HGS: variants seen among roughly 807,000 people sequenced by gnomAD.
The protein encoded by HGS is hepatocyte growth factor-regulated tyrosine kinase substrate, also known as human growth factor-regulated tyrosine kinase substrate.
In HGS, 63 loss-of-function variants were observed where a neutral mutation model predicts 109.7. The observed-to-expected ratio is 0.57, with a 90% confidence interval of 0.47 to 0.71. The LOEUF is 0.71. HGS is among the 30% of genes least tolerant of loss of function. The probability of loss-of-function intolerance (pLI) is 0.00; values close to 1 mark genes in which losing one functional copy is unlikely to be tolerated. For missense variants in HGS, 995 were observed against 1,068.3 expected (o/e 0.93, Z 0.96); for synonymous variants, 546 against 437.3 (o/e 1.25, Z -3.10).
Position 81,693,762 on chromosome 17 carries a change from G to A in HGS, c.840+10G>A, listed in dbSNP as rs1348669335. ...GGAGAAGGAGAGGCTGGTAAGCCGG[G>A]TGGGGCGGGGCGGCCTCAGGAGGGG... On this transcript the variant is annotated intron_variant, in intron 10 of 21. Coordinates refer to ENST00000329138, the MANE Select transcript of HGS (RefSeq NM_004712.5). The A allele has an allele frequency of 1.3e-6, 2 of 1,542,082 alleles. No individual in the cohort carries two copies. Among genetic ancestry groups the A allele is most frequent in the African/African-American group, 2.7e-5 (2 of 73,202 alleles).
Position 81,700,745 on chromosome 17 carries a change from G to A in HGS, c.2067G>A (p.Pro689=), listed in dbSNP as rs372082555. The change falls in exon 20 of 22, where the codon CCG becomes CCA. Residue 689 remains proline (P), a synonymous_variant. Transcript: ENST00000329138. ...GCCTCCCGGCCATCTCTCAGCCTCCGCAGTCCAGCACCATGGGCTACATGG... is the reference window on the plus strand; with the variant it reads ...GCCTCCCGGCCATCTCTCAGCCTCCACAGTCCAGCACCATGGGCTACATGG... ...PQSLPAISQP[P]QSSTMGYMGS... 7.5e-6 allele frequency: 12 copies of A among 1,605,742 alleles called. No homozygotes were observed. The highest frequency in any genetic ancestry group is 3.4e-4 in the Middle Eastern group (2 of 5,854).
intron 1 of HGS, chr17:81,684,884 C>T (rs2036949062): frequency 7.1e-6 from 7 of 983,460 alleles, no homozygotes; most frequent in Non-Finnish European, 8.5e-6. Flanking sequence ...AGTATCTCAG[C>T]CACACAGGTA....
chr17:81,685,219 G>T (rs779680449), intron 1 of HGS: 20 of 266,988 alleles, frequency 7.5e-5, no homozygotes, highest in Non-Finnish European at 1.0e-4. Context: ...CTGGGCGAAC[G>T]GGGACTCCAA....
At position 81,700,506 on chromosome 17, in the gene HGS, C is replaced by T. The variant is rs777559466; in HGVS notation, c.1922C>T (p.Ala641Val). ...AGTGCCTACATGTACCCAGCAGGGG[C>T]CACTGGGGCGCAGGCGGCCCCCCAG... ...MVSAYMYPAG[A>V]TGAQAAPQAQ... Residue 641 changes from alanine to valine, a missense_variant, in exon 19 of 22, where the codon GCC becomes GTC. Physicochemically the swap from Ala to Val is moderately conservative, Grantham distance 64. Around this residue, in one of 6 missense-constraint regions of HGS, gnomAD observed 326 missense variants for 309.7 expected, o/e 1.05. Coordinates refer to ENST00000329138, the MANE Select transcript of HGS (RefSeq NM_004712.5). The T allele has an allele frequency of 1.2e-6, 2 of 1,606,200 alleles. No individual in the cohort carries two copies. The highest frequency in any genetic ancestry group is 1.7e-6 in the Non-Finnish European group (2 of 1,176,000).
intron 1 of HGS, chr17:81,685,194 T>C (rs1037004017): frequency 2.3e-6 from 1 of 434,386 alleles, no homozygotes; most frequent in African/African-American, 2.1e-5. Flanking sequence ...AAGGTCCCAT[T>C]GAAACCGGGA....
chr17:81,687,222 TCCCTG>T, intron 4 of HGS, 127 bp downstream of exon 4: 1 of 681,382 alleles, frequency 1.5e-6, no homozygotes, highest in Middle Eastern at 3.7e-4. Flanking sequence ...AGATCGGTGG[TCCCTG>T]CACTGCGCAA....
At chr17:81,685,245 G>A (rs2036957950) in intron 1 of HGS, among the ~76,000 whole-genome samples, 1 of 152,170 alleles carries the variant, frequency 6.6e-6, no homozygotes, top group South Asian at 2.1e-4. Flanking sequence ...GGGTGATAGG[G>A]TTCTTTGTTG....
chr17:81,698,854 A>G (rs951554158), intron 18 of HGS, among the ~76,000 whole-genome samples: 13 of 152,204 alleles, frequency 8.5e-5, no homozygotes, highest in African/African-American at 3.1e-4. Flanking sequence ...GGCTCACCTG[A>G]GGTCAGGAGT....
In HGS at chr17:81,696,000, G is replaced by C; in HGVS notation, c.1393+1G>C. On this transcript the variant is annotated splice_donor_variant, in intron 15 of 21. Transcript: ENST00000329138. LOFTEE classifies it high-confidence loss of function. ...CTCAACCAGCTGGACGAGCGCAGGC[G>C]TAGGTGCCCGCGCCACGGGGCCTCG... 1.3e-6 allele frequency: 2 copies of C among 1,546,388 alleles called. No homozygotes were observed. The highest frequency in any genetic ancestry group is 8.7e-7 in the Non-Finnish European group (1 of 1,144,310).
chr17:81,700,448 CCT>C lies in HGS; in HGVS notation c.1883-18_1883-17del, dbSNP rs769358237. ...CTGTTGCCCTGGCTGAACCATCTCC[CCT>C]GTCTTGTTTGTCACAGATCCCAGCA... On this transcript the variant is annotated splice_polypyrimidine_tract_variant and intron_variant, in intron 18 of 21. Transcript: ENST00000329138. The C allele has an allele frequency of 2.4e-5, 37 of 1,542,228 alleles. No individual in the cohort carries two copies. Among genetic ancestry groups the C allele is most frequent in the East Asian group, 9.1e-5 (4 of 43,922 alleles).
rs767927511 is a variant in HGS at position 81,701,594 on chromosome 17, G to A, written c.2310G>A (p.Glu770=). The part of the protein sequence containing the change: ...QAQGPPAQGS[E]AQLISFD ...AGGGGCCGCCGGCACAGGGCAGCGA[G>A]GCCCAGCTCATTTCATTCGACTGAC... Residue 770 remains glutamate (E), a synonymous_variant, in exon 22 of 22, where the codon GAG becomes GAA. Transcript: ENST00000329138. 6.4e-7 allele frequency: 1 copy of A among 1,568,368 alleles called. No homozygotes were observed. The highest frequency in any genetic ancestry group is 1.2e-5 in the South Asian group (1 of 86,612).
Position 81,693,564 on chromosome 17 carries a change from C to G in HGS, c.724C>G (p.Leu242Val), listed in dbSNP as rs561162568. ...ELPPEYLTSP[L>V]SQQSQLPPKR... ...GCCCCCCGAGTACCTGACCAGCCCC[C>G]TGTCTCAGCAGTCCCAGGTACTCAG... The change falls in exon 9 of 22, where the codon CTG becomes GTG. Residue 242 changes from leucine to valine, a missense_variant. Physicochemically the swap from Leu to Val is conservative, Grantham distance 32. Transcript: ENST00000329138. 4.2e-5 allele frequency: 68 copies of G among 1,611,854 alleles called. No individual in the cohort carries two copies. Among genetic ancestry groups the G allele is most frequent in the Admixed American group, 3.3e-4 (20 of 59,918 alleles).
intron 6 of HGS, chr17:81,690,463 C>A (rs566560384): frequency 4.7e-6 from 3 of 636,462 alleles, no homozygotes; most frequent in Non-Finnish European, 8.1e-6. Flanking sequence ...GAAAGGAAAA[C>A]AAGCACCTTT....
At chr17:81,693,305 C>T (rs966652424) in intron 8 of HGS, among the ~76,000 whole-genome samples, 198 bp from the exon 9 acceptor site, 1 of 152,252 alleles carries the variant, frequency 6.6e-6, no homozygotes, top group Non-Finnish European at 1.5e-5. Flanking sequence ...CACCCGAGCC[C>T]TTGTGGCTGG....
Position 81,696,402 on chromosome 17 carries a change from C to G in HGS, c.1439C>G (p.Ala480Gly), listed in dbSNP as rs768740702. 6.3e-6 allele frequency: 10 copies of G among 1,585,676 alleles called. No individual in the cohort carries two copies. The South Asian group carries it at 1.0e-4, about 16-fold the overall frequency. Residue 480 changes from alanine to glycine, a missense_variant, in exon 16 of 22, where the codon GCC becomes GGC. Physicochemically the swap from Ala to Gly is moderately conservative, Grantham distance 60 (BLOSUM62 0). Transcript: ENST00000329138. ...GACAAGCTGGCACAGATCCGCGATGCCCGGGGGGCGCTGAGTGCCCTGCGC... is the reference window on the plus strand; with the variant it reads ...GACAAGCTGGCACAGATCCGCGATGGCCGGGGGGCGCTGAGTGCCCTGCGC... ...LQDKLAQIRDARGALSALREE... is the reference protein window; with the variant it reads ...LQDKLAQIRDGRGALSALREE...
At chr17:81,685,346 A>G (rs530083374) in intron 1 of HGS, among the ~76,000 whole-genome samples, 3 of 152,228 alleles carry the variant, frequency 2.0e-5, no homozygotes, top group South Asian at 4.2e-4. Flanking sequence ...CTCTCTGCTG[A>G]GTGTCTTTAC....
rs1568217758 is a variant in HGS, at chr17:81,696,428, G to A, written c.1465G>A (p.Glu489Lys). 6 of 1,569,444 alleles carry A rather than the reference G, an allele frequency of 3.8e-6. No individual in the cohort carries two copies. Among genetic ancestry groups the A allele is most frequent in the Non-Finnish European group, 5.2e-6 (6 of 1,160,498 alleles). The change falls in exon 16 of 22, where the codon GAA (glutamate) becomes AAA (lysine). Residue 489 changes from glutamate (E) to lysine (K), a missense_variant. Physicochemically the swap from Glu to Lys is moderately conservative, Grantham distance 56. This residue lies in a region of HGS where 163 missense variants were observed against 217.8 expected (regional missense o/e 0.75). Coordinates refer to ENST00000329138, the MANE Select transcript of HGS (RefSeq NM_004712.5). ...CCGGGGGGCGCTGAGTGCCCTGCGC[G>A]AAGAGCACCGGGAGAAGCTTCGCCG... is the stretch of plus-strand genomic sequence containing the variant. ...DARGALSALREEHREKLRRAA... is the reference protein window; with the variant it reads ...DARGALSALRKEHREKLRRAA...
Position 81,693,672 on chromosome 17 carries a change from G to A in HGS, c.760G>A (p.Glu254Lys). 1.9e-6 allele frequency: 3 copies of A among 1,553,996 alleles called. No individual in the cohort carries two copies. The highest frequency in any genetic ancestry group is 2.4e-5 in the East Asian group (1 of 42,228). ...TCCTCAGCTGCCCCCCAAGAGGGAC[G>A]AGACGGCCCTGCAGGAGGAGGAGGA... ...QQSQLPPKRD[E>K]TALQEEEELQ... The change falls in exon 10 of 22, where the codon GAG becomes AAG. Residue 254 changes from glutamate (E) to lysine (K), a missense_variant. Around this residue, in one of 6 missense-constraint regions of HGS, gnomAD observed 300 missense variants for 235.4 expected, o/e 1.27. Transcript: ENST00000329138.
chr17:81,694,740 A>G, intron 11 of HGS, 75 bp from the exon 12 acceptor site: 1 of 1,569,362 alleles, frequency 6.4e-7, no homozygotes, highest in Non-Finnish European at 8.8e-7. Flanking sequence ...GATCTGTCGC[A>G]CTGGGGACAT....
Sources: gnomAD v4.1 joint callset for allele counts (sites outside exome capture counted in the v4.1 genomes callset) on GRCh38, gnomAD v4.1.1 for gene constraint, gnomAD v4.1.1 regional missense constraint, MANE v1.5 for transcripts, NCBI Gene and HGNC (gene_info 2026-07-23, HGNC 2026-07-21) for gene names.